Variants in A3GALT2 observed in about 807,000 individuals in gnomAD.
A3GALT2 encodes the protein alpha 1,3-galactosyltransferase 2, also known as alpha-1,3-galactosyltransferase 2.
Under a neutral mutation model 16.6 loss-of-function variants are expected in A3GALT2, and 14 were observed. The ratio of observed to expected loss-of-function variants is 0.84; its 90% CI spans 0.56 to 1.32. The LOEUF (loss-of-function observed/expected upper bound fraction) is 1.32. A3GALT2 is among the 40% of genes most tolerant of loss of function. The pLI, the probability that A3GALT2 is intolerant of heterozygous loss-of-function variation, is 0.00. For synonymous variants in A3GALT2, 253 were observed against 218.0 expected, an observed-to-expected ratio of 1.16 and a Z score of -1.42; for missense variants, 600 against 490.9, an observed-to-expected ratio of 1.22 and a Z score of -2.10.
At chr1:33,311,215 C>A (rs545332820) in intron 4 of A3GALT2, among the ~76,000 whole-genome samples, 1 of 152,300 alleles carries the variant, frequency 6.6e-6, no homozygotes, top group East Asian at 1.9e-4. Context: ...AAGGTCGACA[C>A]CCAGTTTAGA....
intron 4 of A3GALT2, among the ~76,000 whole-genome samples, chr1:33,308,756 T>TTTTTTTTTG: frequency 1.0e-5 from 1 of 95,384 alleles, no homozygotes; most frequent in South Asian, 3.0e-4. Context: ...AGTTGTTTTT[T>TTTTTTTTTG]TTTTTTTTTT....
intron 4 of A3GALT2, among the ~76,000 whole-genome samples, chr1:33,311,008 G>A (rs902030014): frequency 6.6e-6 from 1 of 152,202 alleles, no homozygotes; most frequent in Non-Finnish European, 1.5e-5. Flanking sequence ...GGGGGACAGA[G>A]TTCGAGGAGC....
Position 33,312,015 on chromosome 1 carries a change from C to T in A3GALT2, c.335+37G>A, listed in dbSNP as rs1389678277. On this transcript the variant is annotated intron_variant, in intron 4 of 4. Transcript: ENST00000442999. ...ATCACATGCACACCCCTCCCACTCA[C>T]AGCTTTGACAGCACTGCTCCCCTTC... 3.7e-5 allele frequency: 60 copies of T among 1,611,742 alleles called. No individual in the cohort carries two copies. In the Admixed American group the frequency reaches 9.9e-4, roughly 26 times the overall value.
Position 33,308,746 on chromosome 1 carries a change from A to AGTT in A3GALT2, c.336-1296_336-1294dup, listed in dbSNP as rs1415559031. ...TATTATTATTTTTTTGTCATGTCAA[A>AGTT]GTTGTTTTTTTTTTTTTTTTTTTTT... On this transcript the variant is annotated intron_variant, in intron 4 of 4. Transcript: ENST00000442999. 2.8e-4 allele frequency among the ~76,000 whole-genome samples: 26 copies of AGTT among 92,202 alleles called. 1 individual carries two copies. The highest frequency in any genetic ancestry group is 4.2e-4 in the Non-Finnish European group (22 of 52,856). The allele number at this position is 92,202 out of a possible 152,430, so 60.5% of individuals were successfully genotyped here. A position where few individuals can be genotyped will look rare whatever the true frequency, so the allele number is the denominator to read the frequency against.
Position 33,312,834 on chromosome 1 carries a change from A to G in A3GALT2, c.80T>C (p.Leu27Pro). ...QILLTLGLLG[L>P]FLYGLPKFRH... ...GAATTTAGGGAGGCCATACAGAAAC[A>G]GGCCTAAGAGGCCAAGTGTAAGTAG... Residue 27 changes from leucine to proline, a missense_variant, in exon 2 of 5, where the codon CTG becomes CCG. By Grantham distance (98) the Leu-to-Pro change is moderately conservative. Coordinates refer to ENST00000442999, the MANE Select transcript of A3GALT2 (RefSeq NM_001080438.1). The G allele has an allele frequency of 6.2e-7, 1 of 1,604,328 alleles. No individual in the cohort carries two copies. The highest frequency in any genetic ancestry group is 1.1e-5 in the South Asian group (1 of 88,780).
At chr1:33,317,934 A>AT (rs1236721084) in intron 1 of A3GALT2, among the ~76,000 whole-genome samples, 3 of 152,156 alleles carry the variant, frequency 2.0e-5, no homozygotes, top group Non-Finnish European at 4.4e-5. Flanking sequence ...TGGATTTCAG[A>AT]TTTTTGGATG....
intron 1 of A3GALT2, chr1:33,313,339 A>AT (rs373102950): frequency 0.052 from 6,755 of 129,816 alleles, 432 homozygotes; most frequent in African/African-American, 0.16. Flanking sequence ...CTAATTTTGT[A>AT]TTTTTTTTTT....
chr1:33,310,566 T>G (rs1434822939), intron 4 of A3GALT2, among the ~76,000 whole-genome samples: 1 of 152,226 alleles, frequency 6.6e-6, no homozygotes, highest in African/African-American at 2.4e-5. Context: ...TCTATGTCAA[T>G]GTGCATTGTC....
intron 3 of A3GALT2, 127 bp from the exon 4 acceptor site, chr1:33,312,316 CT>C: frequency 7.1e-7 from 1 of 1,407,214 alleles, no homozygotes; most frequent in Admixed American, 2.3e-5. Context: ...GTTGCTGCCC[CT>C]GGAAGCCTCC....
In A3GALT2 at chr1:33,315,840, C is replaced by T. The variant is rs144366274; in HGVS notation, c.24-2950G>A. On this transcript the variant is annotated intron_variant, in intron 1 of 4. Transcript: ENST00000442999. ...TATTTATTGGACACAAGCTCAGCGTCAAGCACTGTGCTAAGTCAGGGATTC... is the reference window on the plus strand; with the variant it reads ...TATTTATTGGACACAAGCTCAGCGTTAAGCACTGTGCTAAGTCAGGGATTC... Among the ~76,000 whole-genome samples the T allele has an allele frequency of 4.7e-4, 72 of 152,316 alleles. No individual in the cohort carries two copies. The East Asian group carries it at 0.014, about 29-fold the overall frequency.
Position 33,307,098 on chromosome 1 carries a change from G to A in A3GALT2, c.691C>T (p.Leu231=). Reference sequence around the variant, plus strand: ...TGCGCGTCGCGTTCGAAGGGCAGCAGCCACGACGGCCAGTGGTAGTGCCAG... The same window carrying A: ...TGCGCGTCGCGTTCGAAGGGCAGCAACCACGACGGCCAGTGGTAGTGCCAG... The part of the protein sequence containing the change: ...HSWHYHWPSW[L]LPFERDAHSA... Residue 231 remains leucine (L), a synonymous_variant, in exon 5 of 5, where the codon CTG becomes TTG. Transcript: ENST00000442999. The A allele has an allele frequency of 7.9e-6, 12 of 1,528,208 alleles. No individual in the cohort carries two copies. Among genetic ancestry groups the A allele is most frequent in the Non-Finnish European group, 1.1e-5 (12 of 1,140,014 alleles). 94.7% of individuals were successfully genotyped at this position (1,528,208 alleles called of 1,614,324 possible). A position where few individuals can be genotyped will look rare whatever the true frequency, so the allele number is the denominator to read the frequency against.
chr1:33,308,914 G>C (rs943087706), intron 4 of A3GALT2, among the ~76,000 whole-genome samples: 2 of 151,794 alleles, frequency 1.3e-5, no homozygotes, highest in African/African-American at 4.9e-5. Context: ...AGGACCCTGC[G>C]GCCTTCTGCA....
chr1:33,307,256 C>T lies in A3GALT2; in HGVS notation c.533G>A (p.Arg178His). Reference protein sequence around the residue: ...RWQDVSMARMRTLHAALGGLP... With the variant: ...RWQDVSMARMHTLHAALGGLP... ...CCCGCCCAGCGCCGCGTGCAACGTG[C>T]GCATGCGCGCCATCGACACGTCTTG... The change falls in exon 5 of 5, where the codon CGC (arginine) becomes CAC (histidine). Residue 178 changes from arginine (R) to histidine (H), a missense_variant. By Grantham distance (29) the Arg-to-His change is conservative. Transcript: ENST00000442999. 4.1e-6 allele frequency: 6 copies of T among 1,465,238 alleles called. No individual in the cohort carries two copies. Among genetic ancestry groups the T allele is most frequent in the Non-Finnish European group, 4.5e-6 (5 of 1,110,810 alleles). The allele number at this position is 1,465,238 out of a possible 1,614,324, so 90.8% of individuals were successfully genotyped here. A position where few individuals can be genotyped will look rare whatever the true frequency, so the allele number is the denominator to read the frequency against.
At chr1:33,308,728 A>AT (rs1188981941) in intron 4 of A3GALT2, among the ~76,000 whole-genome samples, 1 of 31,588 alleles carries the variant, frequency 3.2e-5, no homozygotes, top group Non-Finnish European at 7.0e-5. Flanking sequence ...TATTATTATT[A>AT]TTTTTTTGTC....
At chr1:33,308,676 G>A (rs1332855836) in intron 4 of A3GALT2, among the ~76,000 whole-genome samples, 1 of 150,812 alleles carries the variant, frequency 6.6e-6, no homozygotes, top group East Asian at 1.9e-4. Flanking sequence ...CAAAGTGCTG[G>A]GATTACAGGT....
rs1553181294 is a variant in A3GALT2 at position 33,308,756 on chromosome 1, T to TTTTTTTTTTG, written c.336-1304_336-1303insCAAAAAAAAA. Among the ~76,000 whole-genome samples the TTTTTTTTTTG allele has an allele frequency of 1.2e-3, 115 of 95,348 alleles. 1 individual carries two copies. In the East Asian group the frequency reaches 0.015, roughly 12 times the overall value. 62.6% of individuals were successfully genotyped at this position (95,348 alleles called of 152,430 possible). A position where few individuals can be genotyped will look rare whatever the true frequency, so the allele number is the denominator to read the frequency against. On this transcript the variant is annotated intron_variant, in intron 4 of 4. Coordinates refer to ENST00000442999, the MANE Select transcript of A3GALT2 (RefSeq NM_001080438.1). ...TTTTTGTCATGTCAAAGTTGTTTTT[T>TTTTTTTTTTG]TTTTTTTTTTTTTTTTTTTTTTTTA...
At chr1:33,309,201 T>C (rs1324207232) in intron 4 of A3GALT2, among the ~76,000 whole-genome samples, 1 of 152,254 alleles carries the variant, frequency 6.6e-6, no homozygotes, top group African/African-American at 2.4e-5. Context: ...CTGATTTCTC[T>C]TTCTTTTCCC....
Position 33,312,597 on chromosome 1 carries a change from T to G in A3GALT2, c.108-7A>C, listed in dbSNP as rs760306797. 2 of 1,574,996 alleles carry G rather than the reference T, an allele frequency of 1.3e-6. No individual in the cohort carries two copies. Among genetic ancestry groups the G allele is most frequent in the Non-Finnish European group, 8.6e-7 (1 of 1,158,626 alleles). ...GATGAGGGCTTCCAGATGCCTGTGG[T>G]GGGTTGAGGGGCGGGGGGCAGGCAG... On this transcript the variant is annotated splice_region_variant and splice_polypyrimidine_tract_variant and intron_variant, in intron 2 of 4. Coordinates refer to ENST00000442999, the MANE Select transcript of A3GALT2 (RefSeq NM_001080438.1).
intron 4 of A3GALT2, among the ~76,000 whole-genome samples, chr1:33,309,323 T>G (rs1368546359): frequency 3.3e-5 from 5 of 151,910 alleles, no homozygotes; most frequent in Non-Finnish European, 5.9e-5. Context: ...GAGGGGCTCC[T>G]CACTTCCCAG....
Sources: allele counts gnomAD v4.1 joint callset (sites outside exome capture counted in the v4.1 genomes callset), GRCh38; gene constraint gnomAD v4.1.1; transcripts MANE v1.5; gene names NCBI Gene and HGNC (gene_info 2026-07-23, HGNC 2026-07-21).